Variants in ATG7 observed in about 807,000 individuals in gnomAD.
The protein encoded by ATG7 is autophagy related 7.
ATG7 carries 70 observed loss-of-function variants against 82.4 expected under a neutral mutation model. The ratio of observed to expected loss-of-function variants is 0.85; its 90% confidence interval spans 0.70 to 1.04. The LOEUF (loss-of-function observed/expected upper bound fraction) is 1.04. Ranked by LOEUF, ATG7 falls within the 50% of genes least tolerant of loss-of-function variation. The pLI, the probability that ATG7 is intolerant of heterozygous loss-of-function variation, is 0.00. For missense variants in ATG7, 792 were observed against 864.3 expected (o/e 0.92, Z 1.05); for synonymous variants, 287 against 313.0 (o/e 0.92, Z 0.88).
At chr3:11,376,940 C>T (rs142242547) in intron 18 of ATG7, among the ~76,000 whole-genome samples, 1,617 of 152,196 alleles carry the variant, frequency 0.011, 32 homozygotes, top group African/African-American at 0.036. Context: ...GGGGTTTCAC[C>T]GTGTTAGCCA....
chr3:11,278,321 T>C (rs562738958), intron 1 of ATG7, among the ~76,000 whole-genome samples: 9 of 152,328 alleles, frequency 5.9e-5, no homozygotes, highest in South Asian at 4.1e-4. Flanking sequence ...TCACAATTTA[T>C]GTTCAGAGAT....
chr3:11,368,575 T>C (rs113902569), intron 18 of ATG7, among the ~76,000 whole-genome samples: 2,434 of 152,172 alleles, frequency 0.016, 63 homozygotes, highest in African/African-American at 0.055. Context: ...GAGAATTGCT[T>C]GAGCCCAGGG....
chr3:11,299,280 A>G (rs1018335761), intron 4 of ATG7, 82 bp from the exon 5 acceptor site: 21 of 1,398,718 alleles, frequency 1.5e-5, no homozygotes, highest in African/African-American at 1.4e-5. Flanking sequence ...AACAAAGAGA[A>G]GAAAACTATT....
chr3:11,462,844 T>C (rs1167422893), intron 20 of ATG7, among the ~76,000 whole-genome samples: 3 of 3,496 alleles, frequency 8.6e-4, no homozygotes, highest in African/African-American at 1.0e-3. Flanking sequence ...CAGATATTTT[T>C]ATTTATTTAT....
chr3:11,404,758 A>G (rs2080171964), intron 19 of ATG7, among the ~76,000 whole-genome samples: 1 of 152,150 alleles, frequency 6.6e-6, no homozygotes, highest in African/African-American at 2.4e-5. Context: ...AAGCAAAGGC[A>G]CATCTTATGT....
chr3:11,456,526 G>A (rs1010687221), intron 20 of ATG7, among the ~76,000 whole-genome samples: 4 of 152,084 alleles, frequency 2.6e-5, no homozygotes, highest in Admixed American at 6.6e-5. Context: ...GTATTGTGTC[G>A]TAACTTTTTT....
At chr3:11,358,688 C>G in intron 15 of ATG7, 76 bp downstream of exon 15, 1 of 1,470,868 alleles carries the variant, frequency 6.8e-7, no homozygotes, top group Admixed American at 2.0e-5. Flanking sequence ...CTAACCTTCC[C>G]TTCCCCAGGG....
chr3:11,568,722 G>A, the ATG7 span: 1 of 1,544,626 alleles, frequency 6.5e-7, no homozygotes, highest in African/African-American at 1.4e-5. This position sits in a 1 kb window ranked among gnomAD's most constrained non-coding sequence, Gnocchi z 5.9. Flanking sequence ...GTGCTCCCGG[G>A]GACGGCAGAA....
chr3:11,470,908 G>T (rs1201950597), intron 20 of ATG7, among the ~76,000 whole-genome samples: 1 of 152,192 alleles, frequency 6.6e-6, no homozygotes, highest in African/African-American at 2.4e-5. Context: ...CTCCTTTGAG[G>T]TGCAGATAGT....
At chr3:11,518,008 A>C (rs1372300068) in intron 20 of ATG7, among the ~76,000 whole-genome samples, 4 of 152,188 alleles carry the variant, frequency 2.6e-5, no homozygotes, top group African/African-American at 4.8e-5. Flanking sequence ...AGAAAGAAGT[A>C]GACAATTGAA....
intron 20 of ATG7, among the ~76,000 whole-genome samples, chr3:11,542,559 G>A (rs1366831181): frequency 3.9e-5 from 6 of 152,190 alleles, no homozygotes; most frequent in Non-Finnish European, 8.8e-5. Flanking sequence ...TGTGGCCCGT[G>A]TACCTCTCAC....
intron 20 of ATG7, among the ~76,000 whole-genome samples, chr3:11,504,492 T>C (rs57866563): frequency 0.011 from 1,614 of 152,272 alleles, 32 homozygotes; most frequent in African/African-American, 0.036. Context: ...TTGAAAGGCA[T>C]CCTCAAAACA....
intron 20 of ATG7, among the ~76,000 whole-genome samples, chr3:11,489,636 A>C (rs1245265847): frequency 7.0e-6 from 1 of 143,476 alleles, no homozygotes; most frequent in Non-Finnish European, 1.5e-5. Context: ...TTCCCTCTAC[A>C]CACTGCTTTG....
intron 19 of ATG7, among the ~76,000 whole-genome samples, chr3:11,394,935 A>T (rs1198579913): frequency 6.6e-6 from 1 of 152,198 alleles, no homozygotes; most frequent in Non-Finnish European, 1.5e-5. Context: ...TGGCAGAAGC[A>T]AAGACAAAAG....
chr3:11,537,730 G>A (rs984844463), intron 20 of ATG7, among the ~76,000 whole-genome samples: 4 of 152,174 alleles, frequency 2.6e-5, no homozygotes, highest in Admixed American at 2.0e-4. Context: ...GGCCCTGCTC[G>A]GTGCCAGGTT....
chr3:11,455,910 A>C (rs2085661259), intron 20 of ATG7, among the ~76,000 whole-genome samples: 1 of 152,236 alleles, frequency 6.6e-6, no homozygotes, highest in Non-Finnish European at 1.5e-5. Context: ...CATCTAAGCC[A>C]GAAATTCTGT....
At chr3:11,422,638 C>T (rs1252351076) in intron 19 of ATG7, among the ~76,000 whole-genome samples, 1 of 151,162 alleles carries the variant, frequency 6.6e-6, no homozygotes, top group East Asian at 1.9e-4. Context: ...AGAACTTTCC[C>T]TTGGCATTAA....
chr3:11,276,229 C>T (rs1055154633), intron 1 of ATG7, among the ~76,000 whole-genome samples: 1 of 152,160 alleles, frequency 6.6e-6, no homozygotes, highest in African/African-American at 2.4e-5. Flanking sequence ...CTCTTCTATC[C>T]TTTACCAACT....
At chr3:11,441,598 A>G (rs1262374853) in intron 20 of ATG7, among the ~76,000 whole-genome samples, 3 of 151,530 alleles carry the variant, frequency 2.0e-5, no homozygotes, top group Admixed American at 6.6e-5. Context: ...AACTGTTACA[A>G]GTTTCTGTAC....
Sources: allele counts gnomAD v4.1 joint callset (sites outside exome capture counted in the v4.1 genomes callset), GRCh38; gene constraint gnomAD v4.1.1; non-coding constraint Gnocchi (gnomAD v3.1); transcripts MANE v1.5; gene names NCBI Gene and HGNC (gene_info 2026-07-23, HGNC 2026-07-21).